The following RBPJ variants were observed in gnomAD, a reference collection of about 807,000 sequenced individuals.
RBPJ encodes the protein recombining binding protein suppressor of hairless.
Under a neutral mutation model 67.8 loss-of-function variants are expected in RBPJ, and 9 were observed. The ratio of observed to expected loss-of-function variants is 0.13; its 90% CI spans 0.08 to 0.23. The LOEUF is 0.23. RBPJ is among the 10% of genes least tolerant of loss of function. RBPJ has a pLI of 1.00. For missense variants in RBPJ, 305 were observed against 595.6 expected (o/e 0.51, Z 5.08); for synonymous variants, 198 against 203.3 (o/e 0.97, Z 0.22).
intron 1 of RBPJ, among the ~76,000 whole-genome samples, chr4:26,332,701 A>T (rs1238448615): frequency 6.6e-6 from 1 of 152,130 alleles, no homozygotes; most frequent in African/African-American, 2.4e-5. Context: ...CCCAGACTGG[A>T]GTGCAGTGGT....
chr4:26,201,606 G>T (rs951200772), intron 1 of RBPJ, among the ~76,000 whole-genome samples: 2 of 152,062 alleles, frequency 1.3e-5, no homozygotes, highest in Non-Finnish European at 2.9e-5. Context: ...CAACACACAT[G>T]ACCTGCAATT....
intron 1 of RBPJ, among the ~76,000 whole-genome samples, chr4:26,198,867 G>A (rs978024439): frequency 6.6e-6 from 1 of 152,106 alleles, no homozygotes; most frequent in Non-Finnish European, 1.5e-5. Flanking sequence ...CTCACAGCTT[G>A]CAGGATCATA....
chr4:26,210,758 T>TC (rs761032212), intron 1 of RBPJ, among the ~76,000 whole-genome samples: 41 of 124,892 alleles, frequency 3.3e-4, no homozygotes, highest in African/African-American at 1.2e-3. Context: ...TTTCCTTCTT[T>TC]CTTTCTTTCT....
At chr4:26,401,753 G>A (rs1732832196) in intron 2 of RBPJ, among the ~76,000 whole-genome samples, 2 of 152,168 alleles carry the variant, frequency 1.3e-5, no homozygotes, top group African/African-American at 4.8e-5. Flanking sequence ...TTAGTATCCG[G>A]AAATACACTT....
Position 26,294,875 on chromosome 4 carries a change from C to CAA in RBPJ, c.-166-67557_-166-67556dup, listed in dbSNP as rs58086685. Among the ~76,000 whole-genome samples, 106 of 120,850 alleles carry CAA rather than the reference C, an allele frequency of 8.8e-4. 1 individual carries two copies. Among genetic ancestry groups the CAA allele is most frequent in the African/African-American group, 2.9e-3 (102 of 34,956 alleles). 79.3% of individuals were successfully genotyped at this position (120,850 alleles called of 152,430 possible). A position where few individuals can be genotyped will look rare whatever the true frequency, so the allele number is the denominator to read the frequency against. On this transcript the variant is annotated intron_variant, in intron 1 of 4. Coordinates refer to the RBPJ transcript ENST00000512351. ...TGGGAGACACAGCAAGACTCCGTCTCAAAAAAAAAAAAAAATTATTACATG... is the reference window on the plus strand; with the variant it reads ...TGGGAGACACAGCAAGACTCCGTCTCAAAAAAAAAAAAAAAAATTATTACATG...
At chr4:26,364,637 T>A (rs1464296490) in intron 1 of RBPJ, among the ~76,000 whole-genome samples, 4 of 150,212 alleles carry the variant, frequency 2.7e-5, no homozygotes, top group African/African-American at 9.8e-5. Context: ...TTTTTTTTTT[T>A]TTTTCTTGAA....
At chr4:26,198,469 T>C (rs1289758612) in intron 1 of RBPJ, among the ~76,000 whole-genome samples, 1 of 152,186 alleles carries the variant, frequency 6.6e-6, no homozygotes, top group Non-Finnish European at 1.5e-5. Flanking sequence ...ACTTATTTTA[T>C]GCTGCATACT....
At chr4:26,204,258 A>AT (rs768057864) in intron 1 of RBPJ, among the ~76,000 whole-genome samples, 1 of 151,998 alleles carries the variant, frequency 6.6e-6, no homozygotes, top group African/African-American at 2.4e-5. Context: ...GAAGTCAGTG[A>AT]TTTTTTTTCT....
intron 1 of RBPJ, among the ~76,000 whole-genome samples, chr4:26,265,305 G>T (rs1252721482): frequency 6.6e-6 from 1 of 152,004 alleles, no homozygotes; most frequent in Non-Finnish European, 1.5e-5. Flanking sequence ...GAGGCCGGCC[G>T]ATCATTTGAG....
At chr4:26,120,199 A>G in the RBPJ span, among the ~76,000 whole-genome samples, 1 of 152,224 alleles carries the variant, frequency 6.6e-6, no homozygotes, top group Non-Finnish European at 1.5e-5. Flanking sequence ...AAAAGCAACA[A>G]CAAAAGCAAA....
At chr4:26,109,611 C>T in the RBPJ span, among the ~76,000 whole-genome samples, 1 of 26,948 alleles carries the variant, frequency 3.7e-5, no homozygotes, top group Non-Finnish European at 6.7e-5. Flanking sequence ...AGCCACTGTG[C>T]CTGTCCACCT....
intron 1 of RBPJ, among the ~76,000 whole-genome samples, chr4:26,165,873 C>A (rs1045032551): frequency 1.4e-4 from 18 of 131,452 alleles, no homozygotes; most frequent in South Asian, 5.2e-4. Flanking sequence ...CCCCTCCCCC[C>A]ACCCCACAAC....
chr4:26,186,428 G>A (rs2109135371), intron 1 of RBPJ, among the ~76,000 whole-genome samples: 1 of 152,228 alleles, frequency 6.6e-6, no homozygotes, highest in South Asian at 2.1e-4. Context: ...ATGGGTATTT[G>A]GTAGATACAC....
intron 1 of RBPJ, among the ~76,000 whole-genome samples, chr4:26,250,005 C>A (rs1358013857): frequency 1.3e-5 from 2 of 151,640 alleles, no homozygotes; most frequent in African/African-American, 4.8e-5. Flanking sequence ...AGCCTGGTCT[C>A]GAACTCCTGA....
At chr4:26,373,033 A>G (rs1483521609) in intron 1 of RBPJ, among the ~76,000 whole-genome samples, 1 of 152,218 alleles carries the variant, frequency 6.6e-6, no homozygotes, top group Non-Finnish European at 1.5e-5. Context: ...CGCTTCTTCA[A>G]AGTGGTTTTC....
intron 1 of RBPJ, among the ~76,000 whole-genome samples, chr4:26,191,905 A>G (rs973310572): frequency 2.0e-5 from 3 of 152,214 alleles, no homozygotes; most frequent in African/African-American, 7.2e-5. Context: ...CTAAGGGCCA[A>G]CCTTACAAGC....
At chr4:26,221,337 G>C (rs937644738) in intron 1 of RBPJ, among the ~76,000 whole-genome samples, 1 of 152,172 alleles carries the variant, frequency 6.6e-6, no homozygotes, top group South Asian at 2.1e-4. Context: ...TGATCCACCC[G>C]CCTCCGCCTC....
chr4:26,159,924 T>C (rs908161444), upstream of RBPJ, among the ~76,000 whole-genome samples: 3 of 129,194 alleles, frequency 2.3e-5, no homozygotes, highest in African/African-American at 8.2e-5. Flanking sequence ...TCTCTCTCTC[T>C]TTTTTTTTTT....
chr4:26,205,638 G>A (rs943112801), intron 1 of RBPJ, among the ~76,000 whole-genome samples: 2 of 147,888 alleles, frequency 1.4e-5, no homozygotes, highest in African/African-American at 4.9e-5. Flanking sequence ...TATTGCCCAG[G>A]CTGGAGTGCA....
Sources: allele counts gnomAD v4.1 joint callset (sites outside exome capture counted in the v4.1 genomes callset), GRCh38; gene constraint gnomAD v4.1.1; transcripts MANE v1.5; gene names NCBI Gene and HGNC (gene_info 2026-07-23, HGNC 2026-07-21).